Variants in TMEM132C observed in about 807,000 individuals in gnomAD.
TMEM132C encodes the protein protein phosphatase 1, regulatory subunit 152.
In TMEM132C, 29 loss-of-function variants were observed where a neutral mutation model predicts 61.4. That is an observed-to-expected ratio of 0.47 (90% confidence interval 0.35 to 0.64). The LOEUF (loss-of-function observed/expected upper bound fraction) is 0.64. Among genes scored for constraint, TMEM132C ranks in the 30% least tolerant of loss-of-function variants. TMEM132C has a pLI of 0.00. For synonymous variants in TMEM132C, 656 were observed against 633.1 expected, an observed-to-expected ratio of 1.04 and a Z score of -0.54; for missense variants, 1,408 against 1,476.9, an observed-to-expected ratio of 0.95 and a Z score of 0.76.
chr12:128,459,756 G>A (rs1332716001), intron 2 of TMEM132C, among the ~76,000 whole-genome samples: 1 of 151,902 alleles, frequency 6.6e-6, no homozygotes, highest in Non-Finnish European at 1.5e-5. Flanking sequence ...GTGGTGGTGA[G>A]TGCCTGTAAT....
intron 1 of TMEM132C, among the ~76,000 whole-genome samples, 161 bp from the exon 2 acceptor site, chr12:128,414,571 G>A (rs1037191128): frequency 9.9e-5 from 15 of 152,252 alleles, no homozygotes; most frequent in East Asian, 3.9e-4. Context: ...ATGTAGAATC[G>A]TTTAATGACT....
intron 2 of TMEM132C, among the ~76,000 whole-genome samples, chr12:128,526,205 A>T (rs952977179): frequency 6.6e-6 from 1 of 152,244 alleles, no homozygotes; most frequent in African/African-American, 2.4e-5. Context: ...CCTTTGTCTT[A>T]GTCCCTTAGG....
chr12:128,283,244 T>G (rs754688577), intron 1 of TMEM132C, among the ~76,000 whole-genome samples: 8 of 152,212 alleles, frequency 5.3e-5, no homozygotes, highest in Non-Finnish European at 1.2e-4. Flanking sequence ...TTCTGTGTTG[T>G]TCTGACATGT....
At chr12:128,324,482 A>G (rs11612199) in intron 1 of TMEM132C, among the ~76,000 whole-genome samples, 38,982 of 152,080 alleles carry the variant, frequency 0.26, 6,254 homozygotes, top group Non-Finnish European at 0.35. Flanking sequence ...GTCATAGCAT[A>G]GATGTGTGTA....
At chr12:128,694,864 G>C (rs1025635458) in intron 6 of TMEM132C, among the ~76,000 whole-genome samples, 2 of 152,222 alleles carry the variant, frequency 1.3e-5, no homozygotes, top group African/African-American at 4.8e-5. Context: ...ACATCCCTGA[G>C]GGGGAAGAAT....
chr12:128,267,208 C>G lies in TMEM132C; in HGVS notation c.-195C>G, dbSNP rs1385335094. Among the ~76,000 whole-genome samples the G allele has an allele frequency of 6.8e-6, 1 of 147,028 alleles. No homozygotes were observed. Among genetic ancestry groups the G allele is most frequent in the East Asian group, 2.0e-4 (1 of 5,070 alleles). On this transcript the variant is annotated 5_prime_UTR_variant, in exon 1 of 9. Transcript: ENST00000435159. Reference sequence around the variant, plus strand: ...GGCCGGAGCGCGAGCAGCGGCGGAGCCGGAGCCGCCAGAGCCAGAGCCGGA... The same window carrying G: ...GGCCGGAGCGCGAGCAGCGGCGGAGGCGGAGCCGCCAGAGCCAGAGCCGGA...
At chr12:128,476,198 T>G (rs1463030448) in intron 2 of TMEM132C, among the ~76,000 whole-genome samples, 1 of 152,140 alleles carries the variant, frequency 6.6e-6, no homozygotes, top group African/African-American at 2.4e-5. Context: ...GTCCATTGGA[T>G]TAATTCGCTT....
chr12:128,638,549 T>C (rs192991443), intron 4 of TMEM132C, among the ~76,000 whole-genome samples: 1 of 152,250 alleles, frequency 6.6e-6, no homozygotes, highest in Admixed American at 6.5e-5. Context: ...TCTGAACCTA[T>C]ATTATCTTCA....
At chr12:128,369,710 G>C (rs986533911) in intron 1 of TMEM132C, among the ~76,000 whole-genome samples, 2 of 152,192 alleles carry the variant, frequency 1.3e-5, no homozygotes, top group Non-Finnish European at 2.9e-5. Context: ...CCTTGGGATG[G>C]ACATGTGTCC....
At chr12:128,617,279 C>A (rs1876837504) in intron 4 of TMEM132C, among the ~76,000 whole-genome samples, 1 of 152,208 alleles carries the variant, frequency 6.6e-6, no homozygotes, top group Non-Finnish European at 1.5e-5. Context: ...AGCTCTCCTT[C>A]CTCTTTGTTA....
rs529377772 is a variant in TMEM132C, at chr12:128,665,759, A to G, written c.1306-3658A>G. Among the ~76,000 whole-genome samples the G allele has an allele frequency of 5.5e-5, 8 of 144,302 alleles. No individual in the cohort carries two copies. The East Asian group carries it at 1.6e-3, about 29-fold the overall frequency. The allele number at this position is 144,302 out of a possible 152,430, so 94.7% of individuals were successfully genotyped here. On this transcript the variant is annotated intron_variant, in intron 4 of 8. Coordinates refer to ENST00000435159, the MANE Select transcript of TMEM132C (RefSeq NM_001136103.3). The stretch of plus-strand genomic sequence containing the variant: ...CACACACATACACCCAGGCACATGT[A>G]CTCATAAGCACACAGGCACTCACAC...
intron 1 of TMEM132C, among the ~76,000 whole-genome samples, chr12:128,316,836 C>G (rs1289166338): frequency 6.6e-6 from 1 of 152,138 alleles, no homozygotes; most frequent in Non-Finnish European, 1.5e-5. Context: ...AGATACACTC[C>G]TTTCCTGGGG....
chr12:128,304,638 A>AAAGC, intron 1 of TMEM132C, among the ~76,000 whole-genome samples: 1 of 134,644 alleles, frequency 7.4e-6, no homozygotes, highest in African/African-American at 3.1e-5. Context: ...AGAAAGAAAG[A>AAAGC]AAAAAAAGAA....
At chr12:128,547,091 C>G (rs548506766) in intron 3 of TMEM132C, among the ~76,000 whole-genome samples, 5 of 152,202 alleles carry the variant, frequency 3.3e-5, no homozygotes, top group Admixed American at 3.3e-4. Context: ...ATAGCAAGAT[C>G]TTTCTTATGT....
chr12:128,397,320 G>A (rs1183264858), intron 1 of TMEM132C, among the ~76,000 whole-genome samples: 1 of 152,204 alleles, frequency 6.6e-6, no homozygotes, highest in Non-Finnish European at 1.5e-5. Context: ...TTCGCCGTGT[G>A]TCTTCTAACA....
At chr12:128,612,135 T>C (rs1189907350) in intron 3 of TMEM132C, among the ~76,000 whole-genome samples, 2 of 152,208 alleles carry the variant, frequency 1.3e-5, no homozygotes, top group African/African-American at 4.8e-5. Flanking sequence ...CGTTGAATCC[T>C]AAGGCCTCCC....
intron 3 of TMEM132C, among the ~76,000 whole-genome samples, chr12:128,593,191 A>C (rs1593112392): frequency 1.7e-4 from 17 of 100,472 alleles, no homozygotes; most frequent in East Asian, 5.7e-4. Context: ...CCCCTCTCTC[A>C]CCTTCCTTCT....
intron 2 of TMEM132C, among the ~76,000 whole-genome samples, chr12:128,461,335 T>G (rs941289050): frequency 3.3e-5 from 5 of 152,130 alleles, no homozygotes; most frequent in African/African-American, 1.2e-4. Flanking sequence ...TATGGACAAT[T>G]GATAAGTGCA....
chr12:128,382,553 A>G (rs1192634970), intron 1 of TMEM132C, among the ~76,000 whole-genome samples: 6 of 152,004 alleles, frequency 3.9e-5, no homozygotes, highest in South Asian at 4.2e-4. Context: ...CGTTCTTTTT[A>G]TTGTTTTTTT....
Sources: gnomAD v4.1 joint callset for allele counts (sites outside exome capture counted in the v4.1 genomes callset) on GRCh38, gnomAD v4.1.1 for gene constraint, MANE v1.5 for transcripts, NCBI Gene and HGNC (gene_info 2026-07-23, HGNC 2026-07-21) for gene names.